The following TMEM131 variants were observed in gnomAD, a reference collection of about 807,000 sequenced individuals.
The protein encoded by TMEM131 is 2610524E03Rik.
Under a neutral mutation model 211.6 loss-of-function variants are expected in TMEM131, and 66 were observed. The observed-to-expected ratio is 0.31, with a 90% confidence interval of 0.26 to 0.38. The LOEUF (loss-of-function observed/expected upper bound fraction) is 0.38. TMEM131 is among the 10% of genes least tolerant of loss of function. The pLI, the probability that TMEM131 is intolerant of heterozygous loss-of-function variation, is 1.00. For synonymous variants in TMEM131, 844 were observed against 841.3 expected (o/e 1.00, Z -0.06); for missense variants, 2,036 against 2,299.3 (o/e 0.89, Z 2.34).
chr2:97,970,469 C>A (rs1210313036), intron 1 of TMEM131, among the ~76,000 whole-genome samples: 1 of 152,230 alleles, frequency 6.6e-6, no homozygotes, highest in Non-Finnish European at 1.5e-5. Flanking sequence ...AAGTGCCTAG[C>A]AACTCTATTA....
intron 3 of TMEM131, among the ~76,000 whole-genome samples, chr2:97,905,549 A>G (rs1321441494): frequency 6.6e-6 from 1 of 152,040 alleles, no homozygotes; most frequent in African/African-American, 2.4e-5. Context: ...CCAAGGGTTT[A>G]TTTGTTTTTT....
intron 4 of TMEM131, among the ~76,000 whole-genome samples, chr2:97,872,062 G>C (rs568086207): frequency 5.5e-4 from 83 of 151,830 alleles, no homozygotes; most frequent in African/African-American, 1.9e-3. Context: ...AGGGAGGAAG[G>C]GCAGAGAGAA....
chr2:97,947,540 G>C (rs1343957887), intron 1 of TMEM131, among the ~76,000 whole-genome samples: 1 of 151,996 alleles, frequency 6.6e-6, no homozygotes, highest in Non-Finnish European at 1.5e-5. Context: ...ACAAAATACA[G>C]CTGGAAGAAA....
In TMEM131 at chr2:97,812,502, T is replaced by C. The variant is rs1559374924; in HGVS notation, c.1782A>G (p.Val594=). 6.2e-7 allele frequency: 1 copy of C among 1,612,792 alleles called. No homozygotes were observed. The highest frequency in any genetic ancestry group is 1.1e-5 in the South Asian group (1 of 90,758). The change falls in exon 17 of 41, where the codon GTA becomes GTG. Residue 594 remains valine (V), a synonymous_variant. Transcript: ENST00000186436. ...IIGDGLSIEL[V]AVERGNRTTI... ...TAGTTCTATTGCCTCTTTCCACAGCTACAAGTTCTATTGATAAACCGTCTC... is the reference window on the plus strand; with the variant it reads ...TAGTTCTATTGCCTCTTTCCACAGCCACAAGTTCTATTGATAAACCGTCTC...
intron 3 of TMEM131, among the ~76,000 whole-genome samples, chr2:97,900,260 A>G (rs556371993): frequency 6.6e-6 from 1 of 152,240 alleles, no homozygotes; most frequent in East Asian, 1.9e-4. Flanking sequence ...GCACCATCAT[A>G]AAGTCCAAAA....
intron 4 of TMEM131, among the ~76,000 whole-genome samples, chr2:97,878,789 G>A (rs13405562): frequency 0.39 from 56,824 of 147,264 alleles, 11,751 homozygotes; most frequent in African/African-American, 0.57. Context: ...TGGCACATGT[G>A]TACCTATGTA....
chr2:97,802,357 G>C, intron 24 of TMEM131, 71 bp downstream of exon 24: 1 of 1,159,606 alleles, frequency 8.6e-7, no homozygotes, highest in Non-Finnish European at 1.2e-6. Flanking sequence ...TGCAAATAAG[G>C]CTTTTTAAGT....
At chr2:97,793,596 A>G (rs1423853527) in intron 29 of TMEM131, 43 bp from the exon 30 acceptor site, 1 of 1,547,098 alleles carries the variant, frequency 6.5e-7, no homozygotes, top group East Asian at 2.3e-5. Context: ...TTCATTTGTT[A>G]GTAGACAAGC....
intron 34 of TMEM131, 28 bp from the exon 35 acceptor site, chr2:97,766,291 T>C: frequency 6.2e-7 from 1 of 1,613,422 alleles, no homozygotes; most frequent in Admixed American, 1.7e-5. Context: ...AAGAACATGG[T>C]TAATGGAGAA....
At chr2:97,806,008 C>A (rs1681279216) in intron 19 of TMEM131, among the ~76,000 whole-genome samples, 1 of 152,086 alleles carries the variant, frequency 6.6e-6, no homozygotes, top group South Asian at 2.1e-4. Context: ...AACAAAGGTA[C>A]AAACAGAGAT....
intron 5 of TMEM131, among the ~76,000 whole-genome samples, chr2:97,847,369 A>T (rs919212899): frequency 4.6e-4 from 70 of 152,230 alleles, no homozygotes; most frequent in Non-Finnish European, 5.7e-4. Flanking sequence ...ACATATAATG[A>T]TCAATTGTAT....
chr2:97,819,266 C>T (rs1681996618), intron 11 of TMEM131, among the ~76,000 whole-genome samples: 1 of 152,200 alleles, frequency 6.6e-6, no homozygotes, highest in Non-Finnish European at 1.5e-5. Context: ...GGCTATACTG[C>T]TGGCTATGGG....
chr2:97,772,189 TC>T, intron 33 of TMEM131, 107 bp downstream of exon 33: 1 of 1,351,320 alleles, frequency 7.4e-7, no homozygotes, highest in South Asian at 1.3e-5. Context: ...TGCTATCAAC[TC>T]CCCTAAAAGC....
Position 97,796,241 on chromosome 2 carries a change from A to G in TMEM131, c.3177T>C (p.Asn1059=). 6.4e-7 allele frequency: 1 copy of G among 1,561,406 alleles called. No homozygotes were observed. Among genetic ancestry groups the G allele is most frequent in the African/African-American group, 1.4e-5 (1 of 73,594 alleles). The change falls in exon 28 of 41, where the codon AAT becomes AAC. Residue 1059 remains asparagine, a synonymous_variant. Coordinates refer to ENST00000186436, the MANE Select transcript of TMEM131 (RefSeq NM_015348.2). ...ACAATATGATTATATCTCTAGAAGC[A>G]TTGGCACTTAGAGTAAACTCTTGAC... ...VNCQEFTLSA[N]ASRDIIILFT...
chr2:97,943,229 C>T (rs1677882088), intron 1 of TMEM131, among the ~76,000 whole-genome samples: 1 of 151,946 alleles, frequency 6.6e-6, no homozygotes, highest in African/African-American at 2.4e-5. Context: ...GCCTGGGCAA[C>T]AAGGCAAGAC....
chr2:97,889,569 A>G (rs971330247), intron 3 of TMEM131, among the ~76,000 whole-genome samples: 1 of 148,390 alleles, frequency 6.7e-6, no homozygotes, highest in East Asian at 1.9e-4. Context: ...ATTCCTATAT[A>G]TAATATATAT....
chr2:97,962,427 C>T (rs1219278884), intron 1 of TMEM131, among the ~76,000 whole-genome samples: 1 of 152,054 alleles, frequency 6.6e-6, no homozygotes, highest in East Asian at 1.9e-4. Context: ...TGGTGTGAAC[C>T]CGGGAGGTGG....
chr2:97,845,396 C>A (rs1683377342), intron 5 of TMEM131, among the ~76,000 whole-genome samples: 1 of 152,084 alleles, frequency 6.6e-6, no homozygotes, highest in Non-Finnish European at 1.5e-5. Context: ...GACACTGGTG[C>A]TATTCACACC....
At chr2:97,963,332 T>C (rs1344589024) in intron 1 of TMEM131, among the ~76,000 whole-genome samples, 4 of 152,328 alleles carry the variant, frequency 2.6e-5, no homozygotes, top group South Asian at 2.1e-4. Flanking sequence ...ATTTCTTGTA[T>C]GTTAAAAGTG....
Sources: allele counts gnomAD v4.1 joint callset (sites outside exome capture counted in the v4.1 genomes callset), GRCh38; gene constraint gnomAD v4.1.1; transcripts MANE v1.5; gene names NCBI Gene and HGNC (gene_info 2026-07-23, HGNC 2026-07-21).